IDS: variants seen among roughly 807,000 people sequenced by gnomAD.
IDS encodes alpha-L-iduronate sulfate sulfatase.
In IDS, 1 loss-of-function variant was observed where a neutral mutation model predicts 33.5. The ratio of observed to expected loss-of-function variants is 0.03; its 90% CI spans 0.01 to 0.14. The LOEUF (loss-of-function observed/expected upper bound fraction) is 0.14, where lower values mean the gene tolerates loss of function less well. Among genes scored for constraint, IDS ranks in the 10% least tolerant of loss-of-function variants. The pLI, the probability that IDS is intolerant of heterozygous loss-of-function variation, is 1.00. For synonymous variants in IDS, 191 were observed against 184.4 expected, an observed-to-expected ratio of 1.04 and a Z score of -0.29; for missense variants, 328 against 448.0, an observed-to-expected ratio of 0.73 and a Z score of 2.42.
At chrX:149,486,897 A>G (rs1557338097) in intron 8 of IDS, 28 bp downstream of exon 8, 3 of 1,197,245 alleles carry the variant, frequency 2.5e-6, no homozygotes, top group Non-Finnish European at 3.4e-6. Flanking sequence ...CTTACTGTCA[A>G]GCAATATCAT....
rs1207417919 is a variant in IDS at position 149,496,430 on chromosome X, G to A, written c.795C>T (p.Asn265=). 2 of 1,208,447 alleles carry A rather than the reference G, an allele frequency of 1.7e-6. No homozygotes were observed. Among genetic ancestry groups the A allele is most frequent in the Non-Finnish European group, 2.2e-6 (2 of 893,684 alleles). ...VPDGLPPVAY[N]PWMDIRQRED... ...CCCGTTGCCTGATGTCCATCCAGGG[G>A]TTGTAGGCCACAGGGGGTAGGCCAT... The change falls in exon 6 of 9, where the codon AAC becomes AAT. Residue 265 remains asparagine, a synonymous_variant. Coordinates refer to ENST00000340855, the MANE Select transcript of IDS (RefSeq NM_000202.8).
At chrX:149,486,857 A>G in intron 8 of IDS, 68 bp downstream of exon 8, 1 of 1,096,244 alleles carries the variant, frequency 9.1e-7, no homozygotes, top group Non-Finnish European at 1.3e-6. Context: ...ATGATTCAAT[A>G]AAGTGGTTCA....
In IDS at chrX:149,482,363, G is replaced by A; in HGVS notation, c.*383C>T. On this transcript the variant is annotated 3_prime_UTR_variant, in exon 9 of 9. Transcript: ENST00000340855. ...TTGATATATGATTACTTTTTGAAAT[G>A]CACTAAATTCCACAAATAATGAAAG... is the stretch of plus-strand genomic sequence containing the variant. The A allele has an allele frequency of 6.1e-6, 1 of 163,584 alleles. No individual in the cohort carries two copies. Among genetic ancestry groups the A allele is most frequent in the Non-Finnish European group, 1.2e-5 (1 of 85,535 alleles). The allele number at this position is 163,584 out of a possible 1,213,427, so 13.5% of individuals were successfully genotyped here. A position where few individuals can be genotyped will look rare whatever the true frequency, so the allele number is the denominator to read the frequency against.
At chrX:149,490,702 G>A (rs1557338641) in intron 6 of IDS, among the ~76,000 whole-genome samples, 2 of 112,338 alleles carry the variant, frequency 1.8e-5, no homozygotes, top group African/African-American at 3.3e-5. Flanking sequence ...GATCACAGTG[G>A]ATGAATGTGT....
intron 4 of IDS, among the ~76,000 whole-genome samples, chrX:149,500,402 G>A (rs2089470423): frequency 8.9e-6 from 1 of 112,234 alleles, no homozygotes; most frequent in African/African-American, 3.2e-5. Context: ...CAGTTCCCTA[G>A]CTGGTTTTCT....
chrX:149,493,686 A>T (rs1557338985), intron 6 of IDS, among the ~76,000 whole-genome samples: 1 of 111,132 alleles, frequency 9.0e-6, no homozygotes, highest in African/African-American at 3.3e-5. Flanking sequence ...TCGAGCCCAG[A>T]ACATGCATAC....
chrX:149,502,773 T>C, intron 3 of IDS: 1 of 155,689 alleles, frequency 6.4e-6, no homozygotes, highest in Non-Finnish European at 1.3e-5. Context: ...CAGGCAGCAT[T>C]TGAGGTAAGG....
In IDS at chrX:149,504,309, G is replaced by A. The variant is rs1557340437; in HGVS notation, c.104-16C>T. 1.7e-6 allele frequency: 2 copies of A among 1,200,410 alleles called. No individual in the cohort carries two copies. Among genetic ancestry groups the A allele is most frequent in the East Asian group, 6.0e-5 (2 of 33,421 alleles). On this transcript the variant is annotated splice_polypyrimidine_tract_variant and intron_variant, in intron 1 of 8. Coordinates refer to ENST00000340855, the MANE Select transcript of IDS (RefSeq NM_000202.8). ...TTCAGAGCATCTACACAGGAGGGAG[G>A]GGCTTTGGTGAGGTAACCTGCACTG...
rs147395729 is a variant in IDS, at chrX:149,480,722, C to T, written c.*2024G>A. 6.0e-3 allele frequency: 849 copies of T among 142,084 alleles called. 11 individuals are homozygous for T. Among genetic ancestry groups the T allele is most frequent in the African/African-American group, 0.025 (800 of 32,307 alleles). 11.7% of individuals were successfully genotyped at this position (142,084 alleles called of 1,213,427 possible). A position where few individuals can be genotyped will look rare whatever the true frequency, so the allele number is the denominator to read the frequency against. On this transcript the variant is annotated 3_prime_UTR_variant, in exon 9 of 9. Coordinates refer to ENST00000340855, the MANE Select transcript of IDS (RefSeq NM_000202.8). ...CTTGAACTCCTAACCTCAAGTGATC[C>T]GCCTGCCTGGGCCTCCCAAAGTGCT...
intron 7 of IDS, among the ~76,000 whole-genome samples, chrX:149,488,442 G>A (rs1366561706): frequency 2.7e-5 from 3 of 110,484 alleles, no homozygotes; most frequent in East Asian, 2.9e-4. Flanking sequence ...GGATGGCAAC[G>A]TGAGGGAACC....
chrX:149,483,177 G>C lies in IDS; in HGVS notation c.1222C>G (p.Pro408Ala), dbSNP rs782657740. ...MDLVELVSLF[P>A]TLAGLAGLQV... Reference sequence around the variant, plus strand: ...AGTCCTGCAAGTCCAGCCAGCGTGGGAAAAAGAGACACAAGTTCCACAAGG... The same window carrying C: ...AGTCCTGCAAGTCCAGCCAGCGTGGCAAAAAGAGACACAAGTTCCACAAGG... The change falls in exon 9 of 9, where the codon CCC becomes GCC. Residue 408 changes from proline (P) to alanine (A), a missense_variant. By Grantham distance (27) the Pro-to-Ala change is conservative. This residue lies in a region of IDS where 265 missense variants were observed against 339.2 expected (regional missense o/e 0.78). Coordinates refer to ENST00000340855, the MANE Select transcript of IDS (RefSeq NM_000202.8). The C allele has an allele frequency of 4.1e-6, 5 of 1,211,370 alleles. No homozygotes were observed. The East Asian group carries it at 1.5e-4, about 36-fold the overall frequency.
Position 149,481,380 on chromosome X carries a change from C to G in IDS, c.*1366G>C, listed in dbSNP as rs1013362614. On this transcript the variant is annotated 3_prime_UTR_variant, in exon 9 of 9. Transcript: ENST00000340855. ...ATTTTTAAAATCTGTCTAAAATTTA[C>G]TGATTTTAATATAATATCTTGTCAT... 4 of 112,475 alleles carry G rather than the reference C, an allele frequency of 3.6e-5. No homozygotes were observed. Among genetic ancestry groups the G allele is most frequent in the Admixed American group, 1.9e-4 (2 of 10,632 alleles). The allele number at this position is 112,475 out of a possible 1,213,427, so 9.3% of individuals were successfully genotyped here.
intron 8 of IDS, among the ~76,000 whole-genome samples, chrX:149,486,350 G>A (rs187470090): frequency 2.4e-4 from 27 of 111,681 alleles, no homozygotes; most frequent in Non-Finnish European, 2.8e-4. Context: ...GACAGGGTCG[G>A]GGGCATCAGT....
chrX:149,502,212 G>T, intron 3 of IDS: 1 of 324,164 alleles, frequency 3.1e-6, no homozygotes, highest in Non-Finnish European at 6.0e-6. Flanking sequence ...AGAAGGACAT[G>T]GTGCTTAGAG....
rs1174495581 is a variant in IDS, at chrX:149,503,421, G to A, written c.309C>T (p.Tyr103=). The A allele has an allele frequency of 7.6e-6, 9 of 1,183,597 alleles. No homozygotes were observed. In the Admixed American group the frequency reaches 9.5e-5, roughly 13 times the overall value. The part of the protein sequence containing the change: ...TGRRPDTTRL[Y]DFNSYWRVHA... ...GCACCCTCCAGTAGGAGTTGAAGTC[G>A]TACAGGCGGGTGGTGTCAGGTCTCC... The change falls in exon 3 of 9, where the codon TAC becomes TAT. Residue 103 remains tyrosine, a synonymous_variant. Transcript: ENST00000340855.
At chrX:149,494,930 T>C (rs913981777) in intron 6 of IDS, among the ~76,000 whole-genome samples, 2 of 111,608 alleles carry the variant, frequency 1.8e-5, no homozygotes, top group East Asian at 2.8e-4. Context: ...GATCCAACCA[T>C]GGGGCTTTGG....
In IDS at chrX:149,478,009, T is replaced by C. The variant is rs1347853429; in HGVS notation, c.*4737A>G. 8.9e-6 allele frequency: 1 copy of C among 111,932 alleles called. No homozygotes were observed. The allele number at this position is 111,932 out of a possible 1,213,427, so 9.2% of individuals were successfully genotyped here. ...CAGGCCAGAATTCAAGAGATTCCTC[T>C]GAAGAGCTATAACCTGCAGGATGGA... On this transcript the variant is annotated 3_prime_UTR_variant, in exon 9 of 9. Transcript: ENST00000340855.
Position 149,505,074 on chromosome X carries a change from C to G in IDS, c.64G>C (p.Val22Leu). Residue 22 changes from valine to leucine, a missense_variant, in exon 1 of 9, where the codon GTC becomes CTC. Around this residue, in one of 4 missense-constraint regions of IDS, gnomAD observed 45 missense variants for 33.6 expected, o/e 1.34. Coordinates refer to ENST00000340855, the MANE Select transcript of IDS (RefSeq NM_000202.8). The stretch of plus-strand genomic sequence containing the variant: ...GCCTGCGTTTCGGATCCGAGGGCGA[C>G]GCAGACGGAGCTCAGAACCAGACCC... The part of the protein sequence containing the change: ...WLGLVLSSVC[V>L]ALGSETQANS... 8.3e-7 allele frequency: 1 copy of G among 1,209,081 alleles called. No individual in the cohort carries two copies. Among genetic ancestry groups the G allele is most frequent in the Non-Finnish European group, 1.1e-6 (1 of 893,534 alleles).
intron 8 of IDS, among the ~76,000 whole-genome samples, chrX:149,484,294 A>G (rs1211004328): frequency 8.9e-6 from 1 of 112,492 alleles, no homozygotes; most frequent in African/African-American, 3.2e-5. Context: ...ATTTTTCCAT[A>G]TAATCACTAA....
Sources: allele counts gnomAD v4.1 joint callset (sites outside exome capture counted in the v4.1 genomes callset), GRCh38; gene constraint gnomAD v4.1.1; regional missense constraint gnomAD v4.1.1; transcripts MANE v1.5; gene names NCBI Gene and HGNC (gene_info 2026-07-23, HGNC 2026-07-21).